Variants in PARP4 observed in about 807,000 individuals in gnomAD.
The protein encoded by PARP4 is poly(ADP-ribose) polymerase family member 4, also known as protein mono-ADP-ribosyltransferase PARP4.
In PARP4, 120 loss-of-function variants were observed where a neutral mutation model predicts 187.7. That is an observed-to-expected ratio of 0.64 (90% confidence interval 0.55 to 0.74). PARP4 has a LOEUF of 0.74. Ranked by LOEUF, PARP4 falls within the 30% of genes least tolerant of loss-of-function variation. The probability of loss-of-function intolerance (pLI) is 0.00; values close to 1 mark genes in which losing one functional copy is unlikely to be tolerated. For synonymous variants in PARP4, 654 were observed against 740.9 expected (o/e 0.88, Z 1.90); for missense variants, 1,836 against 2,070.5 (o/e 0.89, Z 2.20).
chr13:24,443,733 G>A lies in PARP4; in HGVS notation c.3367-3C>T. The stretch of plus-strand genomic sequence containing the variant: ...CGGGCTGCCAGCTTGTGGATCATCT[G>A]TGTTTAAGCAGCAAAGGAAAAAAAA... On this transcript the variant is annotated splice_polypyrimidine_tract_variant and splice_region_variant and intron_variant, in intron 27 of 33. Coordinates refer to ENST00000381989, the MANE Select transcript of PARP4 (RefSeq NM_006437.4). 1 of 1,608,852 alleles carries A rather than the reference G, an allele frequency of 6.2e-7. No individual in the cohort carries two copies. The highest frequency in any genetic ancestry group is 8.5e-7 in the Non-Finnish European group (1 of 1,176,162).
chr13:24,459,064 T>C lies in PARP4; in HGVS notation c.2404A>G (p.Thr802Ala). 6.2e-7 allele frequency: 1 copy of C among 1,606,292 alleles called. No individual in the cohort carries two copies. ...PYVIEFIFSD[T>A]HELKQKRTDC... ...CTAACCTTTTGTTTCAGTTCATGTGTATCACTGAAAATGAATTCAATCACA... is the reference window on the plus strand; with the variant it reads ...CTAACCTTTTGTTTCAGTTCATGTGCATCACTGAAAATGAATTCAATCACA... Residue 802 changes from threonine (T) to alanine (A), a missense_variant, in exon 20 of 34, where the codon ACA (threonine) becomes GCA (alanine). Transcript: ENST00000381989.
intron 1 of PARP4, among the ~76,000 whole-genome samples, chr13:24,508,001 T>G (rs887634948): frequency 2.6e-5 from 4 of 152,248 alleles, no homozygotes; most frequent in African/African-American, 9.6e-5. Flanking sequence ...AGTCTCTTGA[T>G]GTAATTCTGC....
At chr13:24,449,179 G>C (rs1231598633) in intron 25 of PARP4, among the ~76,000 whole-genome samples, 1 of 152,046 alleles carries the variant, frequency 6.6e-6, no homozygotes, top group East Asian at 1.9e-4. Context: ...ATGAGGTCAG[G>C]AGATCAAGAC....
intron 33 of PARP4, among the ~76,000 whole-genome samples, chr13:24,425,275 T>A (rs2137428639): frequency 6.6e-6 from 1 of 152,244 alleles, no homozygotes; most frequent in East Asian, 1.9e-4. Flanking sequence ...CACTCCAGCC[T>A]GGGCGATAGA....
chr13:24,506,427 GGCAGCCTGCTTTTATTCCCTTAT>G lies in PARP4; in HGVS notation c.-1-2673_-1-2651del, dbSNP rs940412104. 5.1e-4 allele frequency among the ~76,000 whole-genome samples: 77 copies of G among 152,194 alleles called. 2 individuals carry two copies. Among genetic ancestry groups the G allele is most frequent in the African/African-American group, 1.7e-3 (71 of 41,534 alleles). On this transcript the variant is annotated intron_variant, in intron 1 of 33. Coordinates refer to ENST00000381989, the MANE Select transcript of PARP4 (RefSeq NM_006437.4). ...CCAGCAGGTTGCCACTGCTAGCTCG[GGCAGCCTGCTTTTATTCCCTTAT>G]GTGGCCCCACCCACATCCTGCTGAT...
At chr13:24,429,354 C>CATAT (rs1374562229) in intron 32 of PARP4, among the ~76,000 whole-genome samples, 1 of 152,158 alleles carries the variant, frequency 6.6e-6, no homozygotes, top group African/African-American at 2.4e-5. Context: ...TGATCATGAT[C>CATAT]ATATTGTCCT....
intron 14 of PARP4, among the ~76,000 whole-genome samples, chr13:24,476,406 G>A (rs928763915): frequency 6.6e-6 from 1 of 152,096 alleles, no homozygotes; most frequent in African/African-American, 2.4e-5. Flanking sequence ...CCAGGTGTCT[G>A]CATTCCCTGG....
chr13:24,469,449 C>T (rs1341627990), intron 16 of PARP4, among the ~76,000 whole-genome samples: 1 of 152,038 alleles, frequency 6.6e-6, no homozygotes, highest in Non-Finnish European at 1.5e-5. Context: ...GTGGACTAAT[C>T]CTTACAATAA....
chr13:24,451,112 G>C lies in PARP4; in HGVS notation c.3014+1294C>G, dbSNP rs182033185. ...TCTCCCAGCCCCAGAGTCGGGGCCC[G>C]ATGTTCGTCCCAGAATAGGCCCTCA... On this transcript the variant is annotated intron_variant, in intron 24 of 33. Coordinates refer to ENST00000381989, the MANE Select transcript of PARP4 (RefSeq NM_006437.4). Among the ~76,000 whole-genome samples the C allele has an allele frequency of 1.3e-3, 202 of 152,290 alleles. 1 individual carries two copies. The highest frequency in any genetic ancestry group is 4.4e-3 in the African/African-American group (184 of 41,564).
rs201338352 is a variant in PARP4 at position 24,494,613 on chromosome 13, G to A, written c.701C>T (p.Thr234Ile). ...AGATGCTAATTGGGTTGCTTCAGGT[G>A]TGAAATGTTCTCTTAGTAGAAATCC... Reference protein sequence around the residue: ...KQGFLLREHFTPEATQLASEQ... With the variant: ...KQGFLLREHFIPEATQLASEQ... The change falls in exon 7 of 34, where the codon ACA (threonine) becomes ATA (isoleucine). Residue 234 changes from threonine to isoleucine, a missense_variant. Around this residue, in one of 8 missense-constraint regions of PARP4, gnomAD observed 1,147 missense variants for 1,214.2 expected, o/e 0.94. Transcript: ENST00000381989. 1.9e-6 allele frequency: 3 copies of A among 1,611,808 alleles called. No individual in the cohort carries two copies. The highest frequency in any genetic ancestry group is 1.7e-6 in the Non-Finnish European group (2 of 1,178,876).
chr13:24,444,922 A>T (rs1871135294), intron 27 of PARP4, among the ~76,000 whole-genome samples: 2 of 152,214 alleles, frequency 1.3e-5, no homozygotes, highest in Admixed American at 1.3e-4. Flanking sequence ...AAAGTCTGAT[A>T]CTTTAAAGGG....
chr13:24,492,717 T>A lies in PARP4; in HGVS notation c.880-123A>T, dbSNP rs10162064. On this transcript the variant is annotated intron_variant, in intron 8 of 33. Coordinates refer to ENST00000381989, the MANE Select transcript of PARP4 (RefSeq NM_006437.4). ...ACTATCCATTTTCTACTGGAGAGCC[T>A]TCACAAAGCAAATGCTGATCTTTAT... The A allele has an allele frequency of 0.11, 81,678 of 768,400 alleles. 4,817 individuals are homozygous for A. The highest frequency in any genetic ancestry group is 0.12 in the African/African-American group (6,934 of 56,692). 47.6% of individuals were successfully genotyped at this position (768,400 alleles called of 1,614,324 possible).
At position 24,469,121 on chromosome 13, in the gene PARP4, TGA is replaced by T; in HGVS notation, c.2047-13_2047-12del. ...TTCCTTCTCTTTAATCTGGAAAAGATGAGTTTTAAATCATTCCTTACATGAAG... is the reference window on the plus strand; with the variant it reads ...TTCCTTCTCTTTAATCTGGAAAAGATGTTTTAAATCATTCCTTACATGAAG... On this transcript the variant is annotated splice_polypyrimidine_tract_variant and intron_variant, in intron 16 of 33. Coordinates refer to ENST00000381989, the MANE Select transcript of PARP4 (RefSeq NM_006437.4). 1 of 1,577,298 alleles carries T rather than the reference TGA, an allele frequency of 6.3e-7. No homozygotes were observed. Among genetic ancestry groups the T allele is most frequent in the East Asian group, 2.2e-5 (1 of 44,700 alleles).
rs548052250 is a variant in PARP4, at chr13:24,505,803, C to A, written c.-1-2026G>T. On this transcript the variant is annotated intron_variant, in intron 1 of 33. Transcript: ENST00000381989. ...TCTAACAGGCTCCCCGCAAAGTAAG[C>A]TGCCATTTGGCGACAGCAGTTTCCA... 2.8e-4 allele frequency among the ~76,000 whole-genome samples: 42 copies of A among 152,334 alleles called. 1 individual carries two copies. Among genetic ancestry groups the A allele is most frequent in the Non-Finnish European group, 5.9e-5 (4 of 68,024 alleles).
In PARP4 at chr13:24,494,704, T is replaced by C. The variant is rs761476781; in HGVS notation, c.610A>G (p.Ile204Val). The C allele has an allele frequency of 1.8e-5, 29 of 1,605,320 alleles. No individual in the cohort carries two copies. The highest frequency in any genetic ancestry group is 6.7e-5 in the Admixed American group (4 of 59,538). ...CTTGCATCTTCAGAGGTTTTCTTTA[T>C]AGCAAACTGTCTTCTAGTCTGTGAA... ...DGMETRRQFAIKKTSEDASEY... is the reference protein window; with the variant it reads ...DGMETRRQFAVKKTSEDASEY... Residue 204 changes from isoleucine to valine, a missense_variant, in exon 7 of 34, where the codon ATA becomes GTA. Transcript: ENST00000381989.
At chr13:24,459,545 ACG>A (rs58255459) in intron 18 of PARP4, 19,349 of 128,830 alleles carry the variant, frequency 0.15, 704 homozygotes, top group African/African-American at 0.19. Context: ...ACACACACAC[ACG>A]CACACACACA....
chr13:24,445,203 G>A (rs1284435007), intron 27 of PARP4, among the ~76,000 whole-genome samples: 1 of 151,950 alleles, frequency 6.6e-6, no homozygotes. Flanking sequence ...TCTATCGTTG[G>A]ATTATTTTAT....
In PARP4 at chr13:24,453,590, G is replaced by A. The variant is rs375498125; in HGVS notation, c.2823C>T (p.Ile941=). Residue 941 remains isoleucine (I), a synonymous_variant, in exon 23 of 34, where the codon ATC becomes ATT. Transcript: ENST00000381989. ...ACAGGAAGCCTCTTGCACTCACCAT[G>A]ATGAACTCTGCTGCCATGGTATTGC... The part of the protein sequence containing the change: ...ITSNTMAAEF[I]MSATPTMGNT... 19 of 1,587,266 alleles carry A rather than the reference G, an allele frequency of 1.2e-5. No homozygotes were observed. In the African/African-American group the frequency reaches 2.6e-4, roughly 21 times the overall value.
At chr13:24,436,041 A>G (rs1474935759) in intron 30 of PARP4, among the ~76,000 whole-genome samples, 1 of 152,080 alleles carries the variant, frequency 6.6e-6, no homozygotes, top group African/African-American at 2.4e-5. Context: ...ATCAGCAATC[A>G]ATATATTGAA....
Sources: allele counts gnomAD v4.1 joint callset (sites outside exome capture counted in the v4.1 genomes callset), GRCh38; gene constraint gnomAD v4.1.1; regional missense constraint gnomAD v4.1.1; transcripts MANE v1.5; gene names NCBI Gene and HGNC (gene_info 2026-07-23, HGNC 2026-07-21).